FAM169A: variants seen among roughly 807,000 people sequenced by gnomAD.
FAM169A encodes family with sequence similarity 169 member A, also known as soluble lamin-associated protein of 75 kDa.
A neutral mutation model predicts 75.7 loss-of-function variants in FAM169A; 24 were observed. The ratio of observed to expected loss-of-function variants is 0.32; its 90% CI spans 0.23 to 0.45. FAM169A has a LOEUF of 0.45. Ranked by LOEUF, FAM169A falls within the 20% of genes least tolerant of loss-of-function variation. The probability of loss-of-function intolerance (pLI) is 1.00; values close to 1 mark genes in which losing one functional copy is unlikely to be tolerated. For missense variants in FAM169A, 673 were observed against 784.0 expected (o/e 0.86, Z 1.69); for synonymous variants, 271 against 271.0 (o/e 1.00, Z 0.00).
intron 11 of FAM169A, among the ~76,000 whole-genome samples, chr5:74,787,890 AAGAG>A (rs958100763): frequency 6.6e-6 from 1 of 152,168 alleles, no homozygotes; most frequent in Non-Finnish European, 1.5e-5. Flanking sequence ...TATTAAAAAA[AAGAG>A]AGAATCACAG....
chr5:74,798,538 A>T (rs920212430), intron 10 of FAM169A, among the ~76,000 whole-genome samples: 1 of 152,208 alleles, frequency 6.6e-6, no homozygotes, highest in Non-Finnish European at 1.5e-5. Flanking sequence ...ATACTTTATT[A>T]CCCAAATTTA....
At chr5:74,810,564 A>G (rs949723628) in intron 6 of FAM169A, among the ~76,000 whole-genome samples, 3 of 151,890 alleles carry the variant, frequency 2.0e-5, no homozygotes, top group African/African-American at 7.3e-5. Context: ...CCTGGCTAAC[A>G]CAGTGAAACC....
intron 5 of FAM169A, among the ~76,000 whole-genome samples, chr5:74,829,032 G>A (rs963317790): frequency 1.2e-4 from 19 of 152,146 alleles, no homozygotes; most frequent in Non-Finnish European, 8.8e-5. Flanking sequence ...AAAGTTCTAC[G>A]CCTGAGGTCA....
Position 74,858,417 on chromosome 5 carries a change from G to A in FAM169A, c.-4+7748C>T, listed in dbSNP as rs773676152. ...AAACAAAAAAACAAACAAAAACATC[G>A]TGTCCTTTGCAGCAACATGGATGCA... On this transcript the variant is annotated intron_variant, in intron 1 of 12. Coordinates refer to ENST00000687041, the MANE Select transcript of FAM169A (RefSeq NM_001376049.1). Among the ~76,000 whole-genome samples, 93 of 152,084 alleles carry A rather than the reference G, an allele frequency of 6.1e-4. 3 individuals are homozygous for A. The highest frequency in any genetic ancestry group is 3.4e-3 in the Middle Eastern group (1 of 294).
At chr5:74,849,979 T>C (rs1460927256) in intron 1 of FAM169A, among the ~76,000 whole-genome samples, 1 of 152,218 alleles carries the variant, frequency 6.6e-6, no homozygotes, top group East Asian at 1.9e-4. Context: ...GAGCAGGAAG[T>C]TGAATGGGAT....
chr5:74,824,759 C>T (rs986323534), intron 5 of FAM169A, among the ~76,000 whole-genome samples: 1 of 151,506 alleles, frequency 6.6e-6, no homozygotes, highest in Non-Finnish European at 1.5e-5. Flanking sequence ...TTTCTACACC[C>T]CAAAAGCAAC....
intron 1 of FAM169A, among the ~76,000 whole-genome samples, chr5:74,844,592 G>A (rs1749053680): frequency 6.6e-6 from 1 of 152,236 alleles, no homozygotes; most frequent in Non-Finnish European, 1.5e-5. Flanking sequence ...GGCTGAGGCA[G>A]GCGGATCACA....
At chr5:74,861,111 G>C (rs529485387) in intron 1 of FAM169A, among the ~76,000 whole-genome samples, 9 of 152,306 alleles carry the variant, frequency 5.9e-5, no homozygotes, top group African/African-American at 1.9e-4. Context: ...ACTCCATCCT[G>C]GGTGACAGAG....
chr5:74,822,673 C>CT (rs773964262), intron 5 of FAM169A, among the ~76,000 whole-genome samples: 2 of 152,200 alleles, frequency 1.3e-5, no homozygotes, highest in Non-Finnish European at 2.9e-5. Flanking sequence ...TGTAAAATTA[C>CT]TTTAAGTATT....
chr5:74,778,093 A>G lies in FAM169A; in HGVS notation c.*3367T>C, dbSNP rs982860146. On this transcript the variant is annotated 3_prime_UTR_variant, in exon 13 of 13. Coordinates refer to ENST00000687041, the MANE Select transcript of FAM169A (RefSeq NM_001376049.1). The stretch of plus-strand genomic sequence containing the variant: ...AATACTGACTCCAGGTAATTTCTGG[A>G]TACTACAAAAATGAAGTTTGCTTGT... 3 of 152,064 alleles carry G rather than the reference A, an allele frequency of 2.0e-5. No homozygotes were observed. Among genetic ancestry groups the G allele is most frequent in the African/African-American group, 7.2e-5 (3 of 41,446 alleles). 9.4% of individuals were successfully genotyped at this position (152,064 alleles called of 1,614,324 possible).
intron 11 of FAM169A, among the ~76,000 whole-genome samples, chr5:74,794,061 G>T (rs1253561232): frequency 1.3e-5 from 2 of 151,408 alleles, no homozygotes; most frequent in Admixed American, 1.3e-4. Flanking sequence ...CATTTCATGA[G>T]GGTGGGTATG....
At chr5:74,808,125 C>T (rs767851881) in intron 6 of FAM169A, among the ~76,000 whole-genome samples, 2 of 152,142 alleles carry the variant, frequency 1.3e-5, no homozygotes, top group Non-Finnish European at 2.9e-5. Flanking sequence ...CTCAGGTATA[C>T]ATTCAAAAGA....
At chr5:74,824,553 T>C (rs568072808) in intron 5 of FAM169A, among the ~76,000 whole-genome samples, 30 of 152,244 alleles carry the variant, frequency 2.0e-4, no homozygotes, top group African/African-American at 5.8e-4. Flanking sequence ...TTGTGGTAGA[T>C]AGTGATTACA....
intron 8 of FAM169A, among the ~76,000 whole-genome samples, chr5:74,803,460 T>C (rs941459127): frequency 3.9e-5 from 6 of 152,134 alleles, no homozygotes; most frequent in Non-Finnish European, 5.9e-5. Flanking sequence ...CTCATGCTAA[T>C]TGAGACAGAA....
chr5:74,808,894 T>C (rs1034139390), intron 6 of FAM169A, among the ~76,000 whole-genome samples: 3 of 152,204 alleles, frequency 2.0e-5, no homozygotes, highest in Non-Finnish European at 4.4e-5. Context: ...ATCTTCACAT[T>C]TGTTCAATCT....
In FAM169A at chr5:74,778,582, T is replaced by C. The variant is rs908223105; in HGVS notation, c.*2878A>G. 3 of 133,000 alleles carry C rather than the reference T, an allele frequency of 2.3e-5. No individual in the cohort carries two copies. Among genetic ancestry groups the C allele is most frequent in the Admixed American group, 1.5e-4 (2 of 13,618 alleles). The allele number at this position is 133,000 out of a possible 1,614,324, so 8.2% of individuals were successfully genotyped here. ...AGTAGAAGACTGACGTTCTAAATCA[T>C]GCTGTTTGATTTTATAAAAAAATCA... On this transcript the variant is annotated 3_prime_UTR_variant, in exon 13 of 13. Transcript: ENST00000687041.
chr5:74,812,287 C>A (rs1321231155), intron 6 of FAM169A, among the ~76,000 whole-genome samples: 5 of 152,052 alleles, frequency 3.3e-5, no homozygotes, highest in Non-Finnish European at 7.4e-5. Flanking sequence ...CCACACCCAG[C>A]TAATTTTTTT....
At chr5:74,854,669 T>A (rs1054521234) in intron 1 of FAM169A, among the ~76,000 whole-genome samples, 1 of 152,140 alleles carries the variant, frequency 6.6e-6, no homozygotes, top group Non-Finnish European at 1.5e-5. Context: ...ATTTAATTGT[T>A]CTAATTGTTT....
chr5:74,797,262 C>T (rs893806060), intron 10 of FAM169A, among the ~76,000 whole-genome samples: 18 of 152,166 alleles, frequency 1.2e-4, no homozygotes, highest in African/African-American at 4.3e-4. Flanking sequence ...CTGCAACCTC[C>T]GCCTCCTGGG....
Sources: gnomAD v4.1 joint callset for allele counts (sites outside exome capture counted in the v4.1 genomes callset) on GRCh38, gnomAD v4.1.1 for gene constraint, MANE v1.5 for transcripts, NCBI Gene and HGNC (gene_info 2026-07-23, HGNC 2026-07-21) for gene names.